Variants in CNGB1 observed in about 807,000 individuals in gnomAD.
CNGB1 encodes cyclic nucleotide-gated channel beta-1.
CNGB1 carries 126 observed loss-of-function variants against 151.7 expected under a neutral mutation model. The ratio of observed to expected loss-of-function variants is 0.83; its 90% CI spans 0.72 to 0.96. The LOEUF is 0.96. Among genes scored for constraint, CNGB1 ranks in the 40% least tolerant of loss-of-function variants. The probability of loss-of-function intolerance (pLI) is 0.00; values close to 1 mark genes in which losing one functional copy is unlikely to be tolerated. For missense variants in CNGB1, 1,698 were observed against 1,627.0 expected, an observed-to-expected ratio of 1.04 and a Z score of -0.75; for synonymous variants, 623 against 635.1, an observed-to-expected ratio of 0.98 and a Z score of 0.29.
intron 19 of CNGB1, among the ~76,000 whole-genome samples, chr16:57,920,057 A>C (rs780508423): frequency 6.6e-6 from 1 of 152,200 alleles, no homozygotes; most frequent in Non-Finnish European, 1.5e-5. Context: ...GGCTGTGCAC[A>C]CAATCTGAGT....
At position 57,884,113 on chromosome 16, in the gene CNGB1, C is replaced by G. The variant is rs745680361; in HGVS notation, c.*51G>C. 1.2e-6 allele frequency: 2 copies of G among 1,612,086 alleles called. No homozygotes were observed. Among genetic ancestry groups the G allele is most frequent in the Non-Finnish European group, 8.5e-7 (1 of 1,178,380 alleles). ...CGCTGGGGCGCAGGGGCGCAGCGGG[C>G]GCTGGGGACACACCTGCTGGAACTG... On this transcript the variant is annotated 3_prime_UTR_variant, in exon 33 of 33. Transcript: ENST00000251102.
In CNGB1 at chr16:57,884,083, TGGGGCGCTGGGGCGCA is replaced by T; in HGVS notation, c.*65_*80del. On this transcript the variant is annotated 3_prime_UTR_variant, in exon 33 of 33. Transcript: ENST00000251102. ...TCTTCTCTTGAGCCGTGGGGGAAGG[TGGGGCGCTGGGGCGCA>T]GGGGCGCAGCGGGCGCTGGGGACAC... 6.3e-7 allele frequency: 1 copy of T among 1,592,710 alleles called. No individual in the cohort carries two copies. Among genetic ancestry groups the T allele is most frequent in the African/African-American group, 1.3e-5 (1 of 74,608 alleles).
At chr16:57,914,900 A>G (rs892393718) in intron 23 of CNGB1, among the ~76,000 whole-genome samples, 32 of 150,978 alleles carry the variant, frequency 2.1e-4, no homozygotes, top group African/African-American at 7.1e-4. Flanking sequence ...GAGAGTCTCT[A>G]TAATCACTGA....
intron 20 of CNGB1, 46 bp from the exon 21 acceptor site, chr16:57,917,522 G>T: frequency 1.3e-6 from 2 of 1,585,768 alleles, no homozygotes; most frequent in Non-Finnish European, 1.7e-6. Context: ...GCCAGGCAAG[G>T]CTCTTCACCA....
chr16:57,885,116 A>C (rs1165917138), intron 32 of CNGB1, among the ~76,000 whole-genome samples: 3 of 152,108 alleles, frequency 2.0e-5, no homozygotes, highest in Non-Finnish European at 2.9e-5. Context: ...CTGGGTAATT[A>C]AATCAAGCCT....
Position 57,884,149 on chromosome 16 carries a change from C to T in CNGB1, c.*15G>A, listed in dbSNP as rs1959834713. 2.5e-6 allele frequency: 4 copies of T among 1,613,864 alleles called. No homozygotes were observed. The highest frequency in any genetic ancestry group is 3.3e-5 in the Admixed American group (2 of 60,010). On this transcript the variant is annotated 3_prime_UTR_variant, in exon 33 of 33. Coordinates refer to ENST00000251102, the MANE Select transcript of CNGB1 (RefSeq NM_001297.5). The stretch of plus-strand genomic sequence containing the variant: ...CACCTGCTGGAACTGCGCGCGGGAT[C>T]CGCCTCACCCCACCTTACTCCGCCT...
chr16:57,893,213 C>A (rs1045746465), intron 31 of CNGB1, among the ~76,000 whole-genome samples: 2 of 151,982 alleles, frequency 1.3e-5, no homozygotes. Flanking sequence ...AAGGTTTTAC[C>A]CAACTGAAAA....
intron 24 of CNGB1, 136 bp from the exon 25 acceptor site, chr16:57,912,011 G>C: frequency 8.3e-7 from 1 of 1,200,892 alleles, no homozygotes; most frequent in South Asian, 1.3e-5. Flanking sequence ...GTTAGGAAGG[G>C]TGGTGCTTGA....
Position 57,887,866 on chromosome 16 carries a change from A to C in CNGB1, c.3451T>G (p.Leu1151Val). The change falls in exon 32 of 33, where the codon TTG becomes GTG. Residue 1151 changes from leucine (L) to valine (V), a missense_variant. Physicochemically the swap from Leu to Val is conservative, Grantham distance 32. Coordinates refer to ENST00000251102, the MANE Select transcript of CNGB1 (RefSeq NM_001297.5). ...CCCAACCACATTACCTGTTCCACCA[A>C]CTCTTGCTGCTTTGCAGCCGCCTCC... ...ALEAAAKQQE[L>V]VEQAKSSQDV... 2 of 1,613,924 alleles carry C rather than the reference A, an allele frequency of 1.2e-6. No individual in the cohort carries two copies. Among genetic ancestry groups the C allele is most frequent in the Non-Finnish European group, 1.7e-6 (2 of 1,179,982 alleles).
At chr16:57,945,389 G>A (rs1474737093) in intron 14 of CNGB1, among the ~76,000 whole-genome samples, 8 of 152,190 alleles carry the variant, frequency 5.3e-5, no homozygotes, top group Non-Finnish European at 1.2e-4. Context: ...CTGCCCACAG[G>A]CCCAGCCAGA....
rs754645788 is a variant in CNGB1, at chr16:57,960,836, T to C, written c.534+4A>G. The C allele has an allele frequency of 6.1e-5, 98 of 1,613,494 alleles. No homozygotes were observed. Among genetic ancestry groups the C allele is most frequent in the Non-Finnish European group, 8.0e-5 (94 of 1,179,862 alleles). On this transcript the variant is annotated splice_donor_region_variant and intron_variant, in intron 8 of 32. Coordinates refer to ENST00000251102, the MANE Select transcript of CNGB1 (RefSeq NM_001297.5). The stretch of plus-strand genomic sequence containing the variant: ...ACTCCCTGCCTCTCCCTTCCTTGGC[T>C]CACCTCAGAGGATTTGGGGGGCTGA...
rs1374766461 is a variant in CNGB1 at position 57,971,056 on chromosome 16, T to C, written c.-9+4A>G. 6.6e-6 allele frequency: 1 copy of C among 152,052 alleles called. No individual in the cohort carries two copies. The highest frequency in any genetic ancestry group is 2.4e-5 in the African/African-American group (1 of 41,416). The allele number at this position is 152,052 out of a possible 1,614,324, so 9.4% of individuals were successfully genotyped here. A position where few individuals can be genotyped will look rare whatever the true frequency, so the allele number is the denominator to read the frequency against. On this transcript the variant is annotated splice_donor_region_variant and intron_variant, in intron 1 of 32. Transcript: ENST00000251102. ...CACCGAGCCTCCACCTCACCCTGAGTTACCTGCTTAGATGCCAACCGCCAG... is the reference window on the plus strand; with the variant it reads ...CACCGAGCCTCCACCTCACCCTGAGCTACCTGCTTAGATGCCAACCGCCAG...
intron 17 of CNGB1, among the ~76,000 whole-genome samples, chr16:57,929,823 G>T (rs1961296680): frequency 6.6e-6 from 1 of 152,182 alleles, no homozygotes; most frequent in Non-Finnish European, 1.5e-5. Context: ...AAATTCGAGA[G>T]GAGATTTGGG....
chr16:57,947,906 G>C (rs1255906828), intron 14 of CNGB1, among the ~76,000 whole-genome samples: 1 of 152,180 alleles, frequency 6.6e-6, no homozygotes, highest in East Asian at 1.9e-4. Flanking sequence ...CAGAAGCTCT[G>C]AGCGGGTACA....
At chr16:57,913,565 C>T (rs973384437) in intron 23 of CNGB1, among the ~76,000 whole-genome samples, 1 of 152,072 alleles carries the variant, frequency 6.6e-6, no homozygotes. Context: ...ACCACAGCCT[C>T]GAACTTCTGG....
In CNGB1 at chr16:57,935,227, A is replaced by G. The variant is rs865957074; in HGVS notation, c.1373-3349T>C. ...CGTCTCATTAGAAAACAGCAACACC[A>G]TTGTGTTTTCAGTGTATTTGAGGTT... On this transcript the variant is annotated intron_variant, in intron 16 of 32. Transcript: ENST00000251102. Among the ~76,000 whole-genome samples, 4 of 152,108 alleles carry G rather than the reference A, an allele frequency of 2.6e-5. No homozygotes were observed. The South Asian group carries it at 8.3e-4, about 32-fold the overall frequency.
intron 31 of CNGB1, among the ~76,000 whole-genome samples, chr16:57,892,866 C>T (rs1227205746): frequency 6.6e-6 from 1 of 152,206 alleles, no homozygotes; most frequent in Non-Finnish European, 1.5e-5. Flanking sequence ...AGAGCAGCTT[C>T]CCCAACCAGC....
intron 17 of CNGB1, among the ~76,000 whole-genome samples, chr16:57,930,103 A>C (rs924598554): frequency 6.6e-6 from 1 of 152,184 alleles, no homozygotes; most frequent in Non-Finnish European, 1.5e-5. Flanking sequence ...AATAATCAAA[A>C]TCAGGATCTC....
intron 18 of CNGB1, among the ~76,000 whole-genome samples, chr16:57,922,164 AC>A (rs1364183267): frequency 3.3e-5 from 5 of 152,144 alleles, no homozygotes; most frequent in African/African-American, 1.2e-4. Context: ...TTAAGCATAA[AC>A]TGCATAAAAT....
Sources: allele counts gnomAD v4.1 joint callset (sites outside exome capture counted in the v4.1 genomes callset), GRCh38; gene constraint gnomAD v4.1.1; transcripts MANE v1.5; gene names NCBI Gene and HGNC (gene_info 2026-07-23, HGNC 2026-07-21).